The following KLF12 variants were observed in gnomAD, a reference collection of about 807,000 sequenced individuals.
The protein encoded by KLF12 is KLF transcription factor 12.
In KLF12, 9 loss-of-function variants were observed where a neutral mutation model predicts 37.8. The observed-to-expected ratio is 0.24, with a 90% CI of 0.14 to 0.42. KLF12 has a LOEUF of 0.42. Among genes scored for constraint, KLF12 ranks in the 10% least tolerant of loss-of-function variants. The probability of loss-of-function intolerance (pLI) is 1.00; values close to 1 mark genes in which losing one functional copy is unlikely to be tolerated. For synonymous variants in KLF12, 208 were observed against 202.1 expected (o/e 1.03, Z -0.25); for missense variants, 411 against 516.0 (o/e 0.80, Z 1.97).
At chr13:74,100,161 A>G (rs1876243587) in intron 1 of KLF12, among the ~76,000 whole-genome samples, 1 of 152,180 alleles carries the variant, frequency 6.6e-6, no homozygotes, top group African/African-American at 2.4e-5. Flanking sequence ...GATAGGGAAA[A>G]TAAGTAAAAT....
intron 1 of KLF12, among the ~76,000 whole-genome samples, chr13:74,080,532 A>G (rs1228730835): frequency 1.3e-5 from 2 of 152,080 alleles, no homozygotes; most frequent in Non-Finnish European, 2.9e-5. Flanking sequence ...AAAAGAAAAA[A>G]AAAAGCAACG....
At chr13:74,090,480 C>A (rs1036734940) in intron 1 of KLF12, among the ~76,000 whole-genome samples, 2 of 152,254 alleles carry the variant, frequency 1.3e-5, no homozygotes, top group East Asian at 1.9e-4. Flanking sequence ...GTAATCCCTA[C>A]CAGAATCATA....
intron 3 of KLF12, among the ~76,000 whole-genome samples, chr13:73,853,765 C>CAT (rs1280560204): frequency 2.0e-5 from 3 of 150,856 alleles, no homozygotes; most frequent in Non-Finnish European, 4.4e-5. Flanking sequence ...GGTAAGCAGA[C>CAT]ATTCCCAAGG....
At chr13:74,031,957 T>G (rs762224897) in intron 1 of KLF12, among the ~76,000 whole-genome samples, 1 of 152,150 alleles carries the variant, frequency 6.6e-6, no homozygotes, top group Admixed American at 6.5e-5. Flanking sequence ...CATTTGGGAA[T>G]TATTATAAGA....
rs77219941 is a variant in KLF12 at position 74,095,402 on chromosome 13, T to C, written c.-32+38337A>G. Reference sequence around the variant, plus strand: ...CCTTTTTTATCGTATTTTTTTTTCCTTTTGGAGACAGGATCTCACTCTGTC... The same window carrying C: ...CCTTTTTTATCGTATTTTTTTTTCCCTTTGGAGACAGGATCTCACTCTGTC... On this transcript the variant is annotated intron_variant, in intron 1 of 7. Transcript: ENST00000377669. Among the ~76,000 whole-genome samples the C allele has an allele frequency of 5.4e-4, 14 of 26,026 alleles. No individual in the cohort carries two copies. In the East Asian group the frequency reaches 0.033, roughly 62 times the overall value. 17.1% of individuals were successfully genotyped at this position (26,026 alleles called of 152,430 possible).
intron 2 of KLF12, among the ~76,000 whole-genome samples, chr13:73,953,962 TTTTC>T (rs1335446175): frequency 2.9e-5 from 4 of 139,992 alleles, no homozygotes; most frequent in South Asian, 2.3e-4. Context: ...AGGTTTTGTT[TTTTC>T]TTTCTTTTTT....
At chr13:74,214,745 G>C in the KLF12 span, among the ~76,000 whole-genome samples, 22 of 151,870 alleles carry the variant, frequency 1.4e-4, no homozygotes, top group Non-Finnish European at 2.9e-4. Context: ...ATTAAAATAG[G>C]CAATGTTTTC....
chr13:73,918,218 AAC>A (rs1330749724), intron 3 of KLF12, among the ~76,000 whole-genome samples: 3 of 152,182 alleles, frequency 2.0e-5, no homozygotes, highest in Non-Finnish European at 4.4e-5. Flanking sequence ...AGACTTGGCA[AAC>A]ACAATTATAA....
intron 4 of KLF12, among the ~76,000 whole-genome samples, chr13:73,818,681 T>TA (rs1345898390): frequency 6.6e-6 from 1 of 152,214 alleles, no homozygotes; most frequent in African/African-American, 2.4e-5. Flanking sequence ...TATGAAAACT[T>TA]ACAGACTAAC....
At chr13:74,109,198 G>T (rs148287053) in intron 1 of KLF12, among the ~76,000 whole-genome samples, 5 of 151,856 alleles carry the variant, frequency 3.3e-5, no homozygotes, top group African/African-American at 9.7e-5. Context: ...ATGAAATTAA[G>T]AATCACTTTT....
At chr13:74,148,178 G>T in the KLF12 span, among the ~76,000 whole-genome samples, 2 of 152,062 alleles carry the variant, frequency 1.3e-5, no homozygotes, top group East Asian at 1.9e-4. Flanking sequence ...GCCTCCCAAG[G>T]TGCTGAGATT....
At chr13:73,781,990 A>C (rs1255011931) in intron 5 of KLF12, among the ~76,000 whole-genome samples, 7 of 152,232 alleles carry the variant, frequency 4.6e-5, no homozygotes, top group African/African-American at 1.7e-4. Flanking sequence ...TAATTAATGA[A>C]TCAGAACATG....
At chr13:73,789,802 G>C (rs939562014) in intron 5 of KLF12, among the ~76,000 whole-genome samples, 2 of 151,736 alleles carry the variant, frequency 1.3e-5, no homozygotes, top group Non-Finnish European at 2.9e-5. Context: ...TCAGCCTCCC[G>C]AGTAGCTGGG....
At chr13:73,891,126 G>A (rs534250410) in intron 3 of KLF12, among the ~76,000 whole-genome samples, 1 of 152,058 alleles carries the variant, frequency 6.6e-6, no homozygotes, top group South Asian at 2.1e-4. Flanking sequence ...TTTTCAAAAG[G>A]AAGCAGAAAG....
the KLF12 span, among the ~76,000 whole-genome samples, chr13:74,157,507 A>G: frequency 6.6e-6 from 1 of 152,168 alleles, no homozygotes; most frequent in Admixed American, 6.5e-5. Context: ...GAGGTTGGCT[A>G]TGCTCACCCA....
chr13:74,091,995 T>TA (rs55924732), intron 1 of KLF12, among the ~76,000 whole-genome samples: 47,822 of 144,610 alleles, frequency 0.33, 9,546 homozygotes, highest in East Asian at 0.79. Flanking sequence ...AAGCAACCTT[T>TA]AAAAAAAAAA....
the KLF12 span, among the ~76,000 whole-genome samples, chr13:74,289,947 G>A: frequency 1.3e-5 from 2 of 152,148 alleles, no homozygotes; most frequent in African/African-American, 4.8e-5. Context: ...GCTCTCTTGT[G>A]TATCCTTGAT....
In KLF12 at chr13:73,715,497, T is replaced by G. The variant is rs1355210044; in HGVS notation, c.898A>C (p.Thr300Pro). The G allele has an allele frequency of 6.2e-7, 1 of 1,614,080 alleles. No homozygotes were observed. Among genetic ancestry groups the G allele is most frequent in the South Asian group, 1.1e-5 (1 of 91,082 alleles). ...GATTCAGACCGTCTCTGGCGTCTTG[T>G]GCTCTCAATACTAAATGGTGAAATT... The change falls in exon 7 of 8, where the codon ACA (threonine) becomes CCA (proline). Residue 300 changes from threonine to proline, a missense_variant. By Grantham distance (38) the Thr-to-Pro change is conservative. This residue lies in a region of KLF12 where 351 missense variants were observed against 397.8 expected (regional missense o/e 0.88). Coordinates refer to ENST00000377669, the MANE Select transcript of KLF12 (RefSeq NM_007249.5).
At chr13:74,196,748 T>C in the KLF12 span, among the ~76,000 whole-genome samples, 6 of 152,260 alleles carry the variant, frequency 3.9e-5, no homozygotes, top group African/African-American at 1.4e-4. Flanking sequence ...TTTAAAAAAT[T>C]CTCTTCAAGT....
Sources: gnomAD v4.1 joint callset for allele counts (sites outside exome capture counted in the v4.1 genomes callset) on GRCh38, gnomAD v4.1.1 for gene constraint, gnomAD v4.1.1 regional missense constraint, MANE v1.5 for transcripts, NCBI Gene and HGNC (gene_info 2026-07-23, HGNC 2026-07-21) for gene names.